Variants in WDR5 observed in about 807,000 individuals in gnomAD.
WDR5 encodes the protein WD repeat-containing protein 5.
For missense variants in WDR5, 187 were observed against 416.9 expected (o/e 0.45, Z 4.80); for synonymous variants, 144 against 161.6 (o/e 0.89, Z 0.83).
intron 2 of WDR5, 92 bp downstream of exon 2, chr9:134,140,050 C>A: frequency 7.0e-7 from 1 of 1,426,104 alleles, no homozygotes; most frequent in South Asian, 1.2e-5. Context: ...CTAGTCTTCC[C>A]TACTCAGTTA....
chr9:134,136,829 C>T (rs976731918), intron 1 of WDR5, among the ~76,000 whole-genome samples: 6 of 152,186 alleles, frequency 3.9e-5, no homozygotes, highest in Non-Finnish European at 1.5e-5. Flanking sequence ...ACATCGCTAA[C>T]GACACTCCCT....
At chr9:134,137,660 T>C (rs1317144808) in intron 1 of WDR5, among the ~76,000 whole-genome samples, 1 of 126,008 alleles carries the variant, frequency 7.9e-6, no homozygotes, top group Non-Finnish European at 1.7e-5. Flanking sequence ...CTCTTTGGAC[T>C]GTGTCTCAAA....
At chr9:134,139,196 CTG>C (rs1288681980) in intron 1 of WDR5, among the ~76,000 whole-genome samples, 4 of 152,176 alleles carry the variant, frequency 2.6e-5, no homozygotes, top group Non-Finnish European at 5.9e-5. Flanking sequence ...GCTCTCATCT[CTG>C]TGTTTTGTGG....
intron 11 of WDR5, 129 bp downstream of exon 11, chr9:134,155,502 C>G (rs1287330899): frequency 3.7e-6 from 5 of 1,367,904 alleles, no homozygotes; most frequent in Middle Eastern, 1.9e-4. Context: ...GGGTTTGGTG[C>G]GAATTCCTGA....
At chr9:134,139,257 C>A (rs987484765) in intron 1 of WDR5, among the ~76,000 whole-genome samples, 50 of 152,158 alleles carry the variant, frequency 3.3e-4, no homozygotes, top group African/African-American at 1.2e-3. Flanking sequence ...TGCTGGAAGG[C>A]AGCCTCGGGC....
intron 8 of WDR5, among the ~76,000 whole-genome samples, chr9:134,148,924 G>A (rs1220254609): frequency 2.0e-5 from 3 of 152,292 alleles, no homozygotes; most frequent in African/African-American, 7.2e-5. Context: ...TTAACTCAGC[G>A]AAATGTCTGA....
chr9:134,138,767 G>A lies in WDR5; in HGVS notation c.-58-1053G>A, dbSNP rs888558853. Among the ~76,000 whole-genome samples the A allele has an allele frequency of 1.1e-4, 17 of 152,156 alleles. 1 individual carries two copies. Among genetic ancestry groups the A allele is most frequent in the Admixed American group, 9.8e-4 (15 of 15,276 alleles). ...TTTTAATGCCTTCCATTTCGCGTTA[G>A]TGTTACAATCAGCCTGTGCAAGATT... is the stretch of plus-strand genomic sequence containing the variant. On this transcript the variant is annotated intron_variant, in intron 1 of 13. Coordinates refer to ENST00000358625, the MANE Select transcript of WDR5 (RefSeq NM_017588.3).
In WDR5 at chr9:134,142,206, C is replaced by T. The variant is rs1037088116; in HGVS notation, c.355-127C>T. 77 of 1,184,772 alleles carry T rather than the reference C, an allele frequency of 6.5e-5. 1 individual carries two copies. Among genetic ancestry groups the T allele is most frequent in the South Asian group, 3.5e-4 (25 of 70,746 alleles). The allele number at this position is 1,184,772 out of a possible 1,614,324, so 73.4% of individuals were successfully genotyped here. On this transcript the variant is annotated intron_variant, in intron 5 of 13. Transcript: ENST00000358625. ...TGGGTGGGGGAGGCCGAGTTGACTT[C>T]GGGGAACAGCAAGTCACTGGCGGGG...
Position 134,151,934 on chromosome 9 carries a change from G to A in WDR5, c.585-49G>A, listed in dbSNP as rs764028737. 30 of 1,589,188 alleles carry A rather than the reference G, an allele frequency of 1.9e-5. No homozygotes were observed. In the Admixed American group the frequency reaches 5.0e-4, roughly 26 times the overall value. On this transcript the variant is annotated intron_variant, in intron 8 of 13. Transcript: ENST00000358625. ...ATATCTGACTCCCAGCAGCCCGCGT[G>A]AGATCATAACTTGTCTGCTTACGCT...
At chr9:134,141,330 C>T (rs1435856248) in intron 3 of WDR5, among the ~76,000 whole-genome samples, 180 bp from the exon 4 acceptor site, 1 of 152,018 alleles carries the variant, frequency 6.6e-6, no homozygotes, top group East Asian at 1.9e-4. Flanking sequence ...CCCGTGGACC[C>T]TGGGAGGGAG....
chr9:134,155,564 G>A (rs1009292129), intron 11 of WDR5, 129 bp from the exon 12 acceptor site: 6 of 1,258,158 alleles, frequency 4.8e-6, no homozygotes, highest in African/African-American at 3.0e-5. Context: ...CTTCGATTGT[G>A]TGGGTTTGGT....
At chr9:134,152,169 A>AGTGT in intron 9 of WDR5, 140 bp downstream of exon 9, 1 of 1,014,748 alleles carries the variant, frequency 9.9e-7, no homozygotes, top group Non-Finnish European at 1.4e-6. Context: ...TCCGTGTCCG[A>AGTGT]CCGTTCCGCC....
Position 134,151,823 on chromosome 9 carries a change from C to T in WDR5, c.585-160C>T, listed in dbSNP as rs755380398. ...TGTATGGACAGTGTTTAGTCTTTGT[C>T]CCTAGAATATAAGAGAATGACTGTT... On this transcript the variant is annotated intron_variant, in intron 8 of 13. Coordinates refer to ENST00000358625, the MANE Select transcript of WDR5 (RefSeq NM_017588.3). Among the ~76,000 whole-genome samples the T allele has an allele frequency of 6.6e-4, 101 of 152,048 alleles. 1 individual carries two copies. Among genetic ancestry groups the T allele is most frequent in the Admixed American group, 2.4e-3 (36 of 15,272 alleles).
intron 7 of WDR5, among the ~76,000 whole-genome samples, chr9:134,145,167 T>C (rs1481118607): frequency 1.4e-5 from 2 of 144,696 alleles, no homozygotes; most frequent in African/African-American, 2.5e-5. Context: ...GGTGCGATCT[T>C]GGCCCACTGC....
At chr9:134,155,395 C>A (rs1298799671) in intron 11 of WDR5, 22 bp downstream of exon 11, 2 of 1,597,026 alleles carry the variant, frequency 1.3e-6, no homozygotes, top group East Asian at 2.2e-5. Flanking sequence ...CAGGCTTGGG[C>A]CCCCATGGTG....
chr9:134,150,041 CCCAACGATTCGAGA>C (rs1564194207), intron 8 of WDR5, among the ~76,000 whole-genome samples: 1 of 152,202 alleles, frequency 6.6e-6, no homozygotes, highest in Admixed American at 6.5e-5. Context: ...TGAAGCTTAT[CCCAACGATTCGAGA>C]CCACAGGCGG....
Position 134,139,847 on chromosome 9 carries a change from C to G in WDR5, c.-31C>G, listed in dbSNP as rs944860791. ...TGCCTCTGTCACCGGGTCCCTCCAC[C>G]CTTGTCTCCTGTGCGGCCAGCGTCA... On this transcript the variant is annotated 5_prime_UTR_variant, in exon 2 of 14. Transcript: ENST00000358625. 1.5e-5 allele frequency: 25 copies of G among 1,613,090 alleles called. No homozygotes were observed. Among genetic ancestry groups the G allele is most frequent in the Admixed American group, 3.3e-5 (2 of 60,014 alleles).
chr9:134,143,005 G>A lies in WDR5; in HGVS notation c.528+286G>A, dbSNP rs548192785. On this transcript the variant is annotated intron_variant, in intron 7 of 13. Coordinates refer to ENST00000358625, the MANE Select transcript of WDR5 (RefSeq NM_017588.3). ...AGACTTGGGGGCAGTGGCCACAGGCGTTCAGGAGGTAGTGTACCCTGAACT... is the reference window on the plus strand; with the variant it reads ...AGACTTGGGGGCAGTGGCCACAGGCATTCAGGAGGTAGTGTACCCTGAACT... 6.6e-5 allele frequency among the ~76,000 whole-genome samples: 10 copies of A among 152,302 alleles called. No individual in the cohort carries two copies. In the East Asian group the frequency reaches 1.5e-3, roughly 24 times the overall value.
chr9:134,143,393 C>G (rs1832000690), intron 7 of WDR5, among the ~76,000 whole-genome samples: 1 of 152,064 alleles, frequency 6.6e-6, no homozygotes, highest in African/African-American at 2.4e-5. Flanking sequence ...ATACAAAAAT[C>G]AGCTGGACGT....
Sources: gnomAD v4.1 joint callset for allele counts (sites outside exome capture counted in the v4.1 genomes callset) on GRCh38, gnomAD v4.1.1 for gene constraint, MANE v1.5 for transcripts, NCBI Gene and HGNC (gene_info 2026-07-23, HGNC 2026-07-21) for gene names.